The following UNC13C variants were observed in gnomAD, a reference collection of about 807,000 sequenced individuals.
UNC13C encodes the protein protein unc-13 homolog C.
In UNC13C, 174 loss-of-function variants were observed where a neutral mutation model predicts 245.4. That is an observed-to-expected ratio of 0.71 (90% CI 0.63 to 0.80). UNC13C has a LOEUF of 0.80. UNC13C is among the 30% of genes least tolerant of loss of function. The pLI, the probability that UNC13C is intolerant of heterozygous loss-of-function variation, is 0.00. For synonymous variants in UNC13C, 992 were observed against 895.1 expected (o/e 1.11, Z -1.93); for missense variants, 2,829 against 2,602.9 (o/e 1.09, Z -1.89).
chr15:54,431,813 T>C (rs771555979), intron 19 of UNC13C, among the ~76,000 whole-genome samples: 1 of 151,656 alleles, frequency 6.6e-6, no homozygotes, highest in Non-Finnish European at 1.5e-5. Flanking sequence ...ATTTTAAAAA[T>C]CTACTGCACA....
intron 17 of UNC13C, among the ~76,000 whole-genome samples, chr15:54,381,102 T>C (rs2039714171): frequency 6.6e-6 from 1 of 152,170 alleles, no homozygotes; most frequent in African/African-American, 2.4e-5. Flanking sequence ...GGTCTTACAT[T>C]GAAGTCTTTA....
chr15:54,243,625 C>G (rs907785552), intron 7 of UNC13C, among the ~76,000 whole-genome samples: 2 of 152,074 alleles, frequency 1.3e-5, no homozygotes, highest in East Asian at 3.9e-4. Context: ...TTTCTGCAAC[C>G]ATGCCAGCAT....
At chr15:53,841,287 A>T in the UNC13C span, among the ~76,000 whole-genome samples, 7 of 152,136 alleles carry the variant, frequency 4.6e-5, no homozygotes, top group Admixed American at 4.6e-4. Flanking sequence ...TTGACTCCAG[A>T]GTCTCTGCTT....
intron 4 of UNC13C, among the ~76,000 whole-genome samples, chr15:54,218,310 T>C (rs1163168163): frequency 1.3e-5 from 2 of 151,990 alleles, no homozygotes; most frequent in African/African-American, 4.8e-5. Context: ...CTGTTTCCAC[T>C]GAGAAATCCT....
rs1567199527 is a variant in UNC13C at position 54,340,212 on chromosome 15, G to C, written c.4713+1723G>C. 2.0e-5 allele frequency among the ~76,000 whole-genome samples: 3 copies of C among 152,124 alleles called. No homozygotes were observed. The South Asian group carries it at 6.2e-4, about 32-fold the overall frequency. On this transcript the variant is annotated intron_variant, in intron 17 of 32. Coordinates refer to ENST00000260323, the MANE Select transcript of UNC13C (RefSeq NM_001080534.3). The stretch of plus-strand genomic sequence containing the variant: ...CTCTGACAGATGTATAGATTGTGAA[G>C]ATTTTCTCCCACTCTGTGGGTTGTC...
intron 4 of UNC13C, among the ~76,000 whole-genome samples, chr15:54,166,457 G>A (rs1235649880): frequency 6.8e-6 from 1 of 146,236 alleles, no homozygotes; most frequent in African/African-American, 2.4e-5. Context: ...AGTTATTTCT[G>A]AACTATTCAT....
chr15:53,852,926 G>A, the UNC13C span, among the ~76,000 whole-genome samples: 454 of 152,022 alleles, frequency 3.0e-3, 3 homozygotes, highest in African/African-American at 0.011. Flanking sequence ...AATTGCTACA[G>A]AATTAATAAT....
At chr15:54,609,494 GAACTT>G (rs1484701473) in intron 30 of UNC13C, 2 of 152,100 alleles carry the variant, frequency 1.3e-5, no homozygotes, top group African/African-American at 4.8e-5. Flanking sequence ...TCAATGAACT[GAACTT>G]GTCATCTATA....
Position 54,061,602 on chromosome 15 carries a change from C to T in UNC13C, c.2983+45716C>T, listed in dbSNP as rs115169143. Among the ~76,000 whole-genome samples the T allele has an allele frequency of 7.8e-3, 1,183 of 152,182 alleles. 18 individuals carry two copies. The highest frequency in any genetic ancestry group is 0.027 in the African/African-American group (1,137 of 41,520). On this transcript the variant is annotated intron_variant, in intron 2 of 32. Coordinates refer to ENST00000260323, the MANE Select transcript of UNC13C (RefSeq NM_001080534.3). ...CTTGTCAGCATAATGGTACAGCAAGCCCTTTTAGGCATGCTTAAGTAAGAG... is the reference window on the plus strand; with the variant it reads ...CTTGTCAGCATAATGGTACAGCAAGTCCTTTTAGGCATGCTTAAGTAAGAG...
intron 19 of UNC13C, among the ~76,000 whole-genome samples, chr15:54,473,109 G>T (rs146283569): frequency 1.3e-5 from 2 of 151,796 alleles, no homozygotes; most frequent in Non-Finnish European, 2.9e-5. Flanking sequence ...GTGAGAACAT[G>T]TGGTATTTGG....
chr15:54,542,833 T>G (rs1896309025), intron 26 of UNC13C, among the ~76,000 whole-genome samples: 1 of 152,190 alleles, frequency 6.6e-6, no homozygotes, highest in Admixed American at 6.6e-5. Context: ...CTTGCTTTTT[T>G]TGCTTTTGAT....
At chr15:53,888,749 G>C in the UNC13C span, among the ~76,000 whole-genome samples, 874 of 152,086 alleles carry the variant, frequency 5.7e-3, 7 homozygotes, top group Admixed American at 9.2e-3. Flanking sequence ...AAGGGCTCAC[G>C]TTTCAGTTTT....
At chr15:54,339,572 C>T (rs924751713) in intron 17 of UNC13C, among the ~76,000 whole-genome samples, 1 of 151,986 alleles carries the variant, frequency 6.6e-6, no homozygotes, top group Admixed American at 6.6e-5. Flanking sequence ...TCAGTTCTAT[C>T]TAGGTTGCTG....
chr15:53,890,510 G>C, the UNC13C span, among the ~76,000 whole-genome samples: 2 of 152,222 alleles, frequency 1.3e-5, no homozygotes, highest in East Asian at 3.9e-4. Flanking sequence ...TTTTTGGGTT[G>C]GTAGACTACT....
chr15:54,261,117 A>G (rs1215280086), intron 8 of UNC13C, among the ~76,000 whole-genome samples: 1 of 152,196 alleles, frequency 6.6e-6, no homozygotes, highest in Admixed American at 6.5e-5. Context: ...TATACTCTAT[A>G]AAGTGCTTTT....
At chr15:54,207,071 G>T (rs1424165246) in intron 4 of UNC13C, among the ~76,000 whole-genome samples, 1 of 151,970 alleles carries the variant, frequency 6.6e-6, no homozygotes, top group East Asian at 1.9e-4. Context: ...CTCATGCAAT[G>T]CATTGTACCA....
chr15:54,558,219 T>C (rs940490376), intron 29 of UNC13C, among the ~76,000 whole-genome samples: 2 of 152,028 alleles, frequency 1.3e-5, no homozygotes, highest in Non-Finnish European at 2.9e-5. Flanking sequence ...AACCTGCACA[T>C]TGTGCACATG....
intron 2 of UNC13C, among the ~76,000 whole-genome samples, chr15:54,029,476 T>C (rs1896264369): frequency 6.6e-6 from 1 of 152,258 alleles, no homozygotes; most frequent in South Asian, 2.1e-4. Flanking sequence ...CTGATACTCA[T>C]ATTATCATTC....
chr15:54,246,398 C>T (rs1596076720), intron 7 of UNC13C, among the ~76,000 whole-genome samples: 1 of 124,870 alleles, frequency 8.0e-6, no homozygotes, highest in African/African-American at 3.0e-5. Flanking sequence ...ATGACTTAAG[C>T]AATGTGAAAA....
Sources: allele counts gnomAD v4.1 joint callset (sites outside exome capture counted in the v4.1 genomes callset), GRCh38; gene constraint gnomAD v4.1.1; transcripts MANE v1.5; gene names NCBI Gene and HGNC (gene_info 2026-07-23, HGNC 2026-07-21).